The following NRBP2 variants were observed in gnomAD, a reference collection of about 807,000 sequenced individuals.
NRBP2 encodes nuclear receptor-binding protein 2.
Under a neutral mutation model 74.4 loss-of-function variants are expected in NRBP2, and 47 were observed. The ratio of observed to expected loss-of-function variants is 0.63; its 90% CI spans 0.50 to 0.81. The LOEUF (loss-of-function observed/expected upper bound fraction) is 0.81. Among genes scored for constraint, NRBP2 ranks in the 30% least tolerant of loss-of-function variants. The pLI is 0.00. For synonymous variants in NRBP2, 312 were observed against 273.8 expected (o/e 1.14, Z -1.38); for missense variants, 613 against 690.1 (o/e 0.89, Z 1.25).
At chr8:143,830,415 G>C (rs1247186653), downstream of NRBP2, among the ~76,000 whole-genome samples, 3 of 152,264 alleles carry the variant, frequency 2.0e-5, no homozygotes, top group Admixed American at 6.5e-5. Context: ...AGCTCCAGGA[G>C]AGGAGCTCTG....
downstream of NRBP2, among the ~76,000 whole-genome samples, chr8:143,832,135 C>G (rs554348249): frequency 1.3e-5 from 2 of 152,258 alleles, no homozygotes; most frequent in Admixed American, 1.3e-4. Flanking sequence ...ACCCCGTGCT[C>G]TCTGAAACAT....
chr8:143,836,080 GCTCCC>G (rs781840130), intron 15 of NRBP2, 42 bp downstream of exon 15: 1 of 1,583,456 alleles, frequency 6.3e-7, no homozygotes, highest in South Asian at 1.1e-5. Flanking sequence ...GCTCCGCCAC[GCTCCC>G]GCCTTCCCCA....
Position 143,836,122 on chromosome 8 carries a change from C to T in NRBP2, c.1317+5G>A, listed in dbSNP as rs1194067547. On this transcript the variant is annotated splice_donor_5th_base_variant and intron_variant, in intron 15 of 17. Coordinates refer to ENST00000442628, the MANE Select transcript of NRBP2 (RefSeq NM_178564.4). ...GGCAGCGCCGCCCTCCCAGGCCCCG[C>T]TCACATGCCAGCGCGCCTTGTCCTC... 3 of 1,601,976 alleles carry T rather than the reference C, an allele frequency of 1.9e-6. No individual in the cohort carries two copies. The highest frequency in any genetic ancestry group is 2.6e-6 in the Non-Finnish European group (3 of 1,176,196).
At position 143,835,677 on chromosome 8, in the gene NRBP2, A is replaced by C; in HGVS notation, c.1491T>G (p.Arg497=). 6.3e-7 allele frequency: 1 copy of C among 1,595,544 alleles called. No individual in the cohort carries two copies. The highest frequency in any genetic ancestry group is 1.1e-5 in the South Asian group (1 of 88,372). Residue 497 remains arginine, a synonymous_variant, in exon 18 of 18, where the codon CGT becomes CGG. Coordinates refer to ENST00000442628, the MANE Select transcript of NRBP2 (RefSeq NM_178564.4). This position sits in a 1 kb window ranked among gnomAD's most constrained non-coding sequence, Gnocchi z 4.9. ...GGGCTCCGGGTCAGGCCTGGGTCCCACGGTACTTGAGGAAGGTGCTCTCCA... is the reference window on the plus strand; with the variant it reads ...GGGCTCCGGGTCAGGCCTGGGTCCCCCGGTACTTGAGGAAGGTGCTCTCCA... ...AFLESTFLKY[R]GTQA
rs74755081 is a variant in NRBP2 at position 143,835,473 on chromosome 8, C to T, written c.*189G>A. 1 of 661,812 alleles carries T rather than the reference C, an allele frequency of 1.5e-6. No homozygotes were observed. The highest frequency in any genetic ancestry group is 2.8e-5 in the East Asian group (1 of 35,568). 41.0% of individuals were successfully genotyped at this position (661,812 alleles called of 1,614,324 possible). A position where few individuals can be genotyped will look rare whatever the true frequency, so the allele number is the denominator to read the frequency against. ...GGGAGGCCTAACGGCTCCCCCACAC[C>T]CACCCCCCAACCCCTCGGCGCCCAA... On this transcript the variant is annotated 3_prime_UTR_variant, in exon 18 of 18. Transcript: ENST00000442628. This position sits in a 1 kb window ranked among gnomAD's most constrained non-coding sequence, Gnocchi z 4.9.
Position 143,835,935 on chromosome 8 carries a change from C to T in NRBP2, c.1381+32G>A, listed in dbSNP as rs374849476. 130 of 1,589,248 alleles carry T rather than the reference C, an allele frequency of 8.2e-5. No homozygotes were observed. The highest frequency in any genetic ancestry group is 3.5e-4 in the African/African-American group (26 of 74,618). On this transcript the variant is annotated intron_variant, in intron 16 of 17. Transcript: ENST00000442628. This position sits in a 1 kb window ranked among gnomAD's most constrained non-coding sequence, Gnocchi z 4.9. ...CTGCCCACCCGCCGCCTGGGGTCAC[C>T]GCCCGCCGCCCAAGTCCCCTGCCCA...
chr8:143,831,219 G>C (rs782281283), downstream of NRBP2, among the ~76,000 whole-genome samples: 1 of 152,254 alleles, frequency 6.6e-6, no homozygotes, highest in Non-Finnish European at 1.5e-5. Flanking sequence ...AATGGATACA[G>C]CTGTTACCCC....
intron 10 of NRBP2, 74 bp downstream of exon 10, chr8:143,838,606 T>C (rs111489996): frequency 9.2e-7 from 1 of 1,086,074 alleles, no homozygotes; most frequent in Non-Finnish European, 1.4e-6. Flanking sequence ...TTCTCCCAGG[T>C]CTGCCTGGAG....
chr8:143,835,536 CT>C lies in NRBP2; in HGVS notation c.*125del. On this transcript the variant is annotated 3_prime_UTR_variant, in exon 18 of 18. Coordinates refer to ENST00000442628, the MANE Select transcript of NRBP2 (RefSeq NM_178564.4). The surrounding 1 kb of genome is among the most constrained non-coding windows in gnomAD (Gnocchi z 4.9). ...CCCACTCTCAGGAGACGGGGGGTTCCTTCACTACCGGGGCCTTTGTGCTCCC... is the reference window on the plus strand; with the variant it reads ...CCCACTCTCAGGAGACGGGGGGTTCCTCACTACCGGGGCCTTTGTGCTCCC... 1 of 828,894 alleles carries C rather than the reference CT, an allele frequency of 1.2e-6. No homozygotes were observed. Among genetic ancestry groups the C allele is most frequent in the Non-Finnish European group, 1.9e-6 (1 of 525,864 alleles). The allele number at this position is 828,894 out of a possible 1,614,324, so 51.3% of individuals were successfully genotyped here.
Position 143,837,952 on chromosome 8 carries a change from T to C in NRBP2, c.841-197A>G, listed in dbSNP as rs1554652417. On this transcript the variant is annotated intron_variant, in intron 10 of 17. Transcript: ENST00000442628. The surrounding 1 kb of genome is among the most constrained non-coding windows in gnomAD (Gnocchi z 4.3). Reference sequence around the variant, plus strand: ...TCCTCTGAGCTTGAGGACAGCTGGGTTCTGGGATTGGAGCACCATGCTCTG... The same window carrying C: ...TCCTCTGAGCTTGAGGACAGCTGGGCTCTGGGATTGGAGCACCATGCTCTG... The C allele has an allele frequency of 4.1e-6, 3 of 733,452 alleles. No homozygotes were observed. Among genetic ancestry groups the C allele is most frequent in the Non-Finnish European group, 7.2e-6 (3 of 414,144 alleles). The allele number at this position is 733,452 out of a possible 1,614,324, so 45.4% of individuals were successfully genotyped here.
rs192854484 is a variant in NRBP2 at position 143,833,655 on chromosome 8, T to G, written c.*2007A>C. The G allele has an allele frequency of 3.9e-5, 6 of 152,336 alleles. No homozygotes were observed. The East Asian group carries it at 1.2e-3, about 29-fold the overall frequency. 9.4% of individuals were successfully genotyped at this position (152,336 alleles called of 1,614,324 possible). ...CCTCAAAAAAAAAACTATTCTACTT[T>G]AAAAACAATACATATATAATTCTGA... On this transcript the variant is annotated 3_prime_UTR_variant, in exon 18 of 18. Transcript: ENST00000442628.
At position 143,837,986 on chromosome 8, in the gene NRBP2, G is replaced by A. The variant is rs1034976517; in HGVS notation, c.841-231C>T. 16 of 703,298 alleles carry A rather than the reference G, an allele frequency of 2.3e-5. No homozygotes were observed. The highest frequency in any genetic ancestry group is 3.5e-5 in the African/African-American group (2 of 57,126). 43.6% of individuals were successfully genotyped at this position (703,298 alleles called of 1,614,324 possible). A position where few individuals can be genotyped will look rare whatever the true frequency, so the allele number is the denominator to read the frequency against. On this transcript the variant is annotated intron_variant, in intron 10 of 17. Coordinates refer to ENST00000442628, the MANE Select transcript of NRBP2 (RefSeq NM_178564.4). This position sits in a 1 kb window ranked among gnomAD's most constrained non-coding sequence, Gnocchi z 4.3. ...TGGAGCACCATGCTCTGCTTCCCTCGACCCCCAAAAAATCGTGGGGAGAAG... is the reference window on the plus strand; with the variant it reads ...TGGAGCACCATGCTCTGCTTCCCTCAACCCCCAAAAAATCGTGGGGAGAAG...
In NRBP2 at chr8:143,838,727, C is replaced by T; in HGVS notation, c.793G>A (p.Glu265Lys). The change falls in exon 10 of 18, where the codon GAG becomes AAG. Residue 265 changes from glutamate to lysine, a missense_variant. Coordinates refer to ENST00000442628, the MANE Select transcript of NRBP2 (RefSeq NM_178564.4). ...GAGTGCCTGGCGCGAGCAATGGCCTCCTCTGTGACCCGGGTGTCCCCATTG... is the reference window on the plus strand; with the variant it reads ...GAGTGCCTGGCGCGAGCAATGGCCTTCTCTGTGACCCGGGTGTCCCCATTG... ...QTNGDTRVTE[E>K]AIARARHSLS... 6.2e-7 allele frequency: 1 copy of T among 1,613,390 alleles called. No homozygotes were observed. The highest frequency in any genetic ancestry group is 1.1e-5 in the South Asian group (1 of 90,836).
At position 143,840,558 on chromosome 8, in the gene NRBP2, C is replaced by T; in HGVS notation, c.129+148G>A. 1 of 828,274 alleles carries T rather than the reference C, an allele frequency of 1.2e-6. No homozygotes were observed. Among genetic ancestry groups the T allele is most frequent in the Non-Finnish European group, 1.8e-6 (1 of 562,556 alleles). 51.3% of individuals were successfully genotyped at this position (828,274 alleles called of 1,614,324 possible). On this transcript the variant is annotated intron_variant, in intron 1 of 17. Coordinates refer to ENST00000442628, the MANE Select transcript of NRBP2 (RefSeq NM_178564.4). The surrounding 1 kb of genome is among the most constrained non-coding windows in gnomAD (Gnocchi z 5.7). ...GGGCGAGCGCCAGGCCAAAGGGGTC[C>T]AGGGGTGGCTGATTCGCGGGCCGCG...
rs1204366216 is a variant in NRBP2 at position 143,839,962 on chromosome 8, C to T, written c.321G>A (p.Lys107=). ...VDHPNIVKLH[K]YWLDTSEACA... is the part of the protein sequence containing the mutation. The stretch of plus-strand genomic sequence containing the variant: ...AGGCCTCAGAGGTATCCAGCCAGTA[C>T]TTGTGCAACTTCACGATGTTCGGGT... Residue 107 remains lysine (K), a synonymous_variant, in exon 3 of 18, where the codon AAG becomes AAA. Transcript: ENST00000442628. The surrounding 1 kb of genome is among the most constrained non-coding windows in gnomAD (Gnocchi z 5.1). 6.5e-7 allele frequency: 1 copy of T among 1,536,206 alleles called. No individual in the cohort carries two copies. The highest frequency in any genetic ancestry group is 8.7e-7 in the Non-Finnish European group (1 of 1,146,924).
chr8:143,839,661 C>G lies in NRBP2; in HGVS notation c.444+75G>C. 1 of 1,523,670 alleles carries G rather than the reference C, an allele frequency of 6.6e-7. No individual in the cohort carries two copies. Among genetic ancestry groups the G allele is most frequent in the Non-Finnish European group, 8.8e-7 (1 of 1,139,860 alleles). The allele number at this position is 1,523,670 out of a possible 1,614,324, so 94.4% of individuals were successfully genotyped here. ...CCCCTGTCCGAGGCCGCCGGGCACC[C>G]CCTCACCATCCCAGTCCCCGAGGCT... On this transcript the variant is annotated intron_variant, in intron 4 of 17. Coordinates refer to ENST00000442628, the MANE Select transcript of NRBP2 (RefSeq NM_178564.4). This position sits in a 1 kb window ranked among gnomAD's most constrained non-coding sequence, Gnocchi z 5.1.
At chr8:143,831,622 A>G (rs1554650279), downstream of NRBP2, among the ~76,000 whole-genome samples, 1 of 152,224 alleles carries the variant, frequency 6.6e-6, no homozygotes, top group African/African-American at 2.4e-5. Flanking sequence ...CCCTGTCTCA[A>G]AAAAACAACA....
Position 143,840,804 on chromosome 8 carries a change from C to A in NRBP2, c.31G>T (p.Ala11Ser). The A allele has an allele frequency of 2.7e-6, 4 of 1,499,166 alleles. No homozygotes were observed. Among genetic ancestry groups the A allele is most frequent in the Non-Finnish European group, 3.5e-6 (4 of 1,129,984 alleles). 92.9% of individuals were successfully genotyped at this position (1,499,166 alleles called of 1,614,324 possible). The change falls in exon 1 of 18, where the codon GCC becomes TCC. Residue 11 changes from alanine (A) to serine (S), a missense_variant. Ala to Ser is a moderately conservative substitution (Grantham distance 99). Transcript: ENST00000442628. This position sits in a 1 kb window ranked among gnomAD's most constrained non-coding sequence, Gnocchi z 5.7. The stretch of plus-strand genomic sequence containing the variant: ...TCCCGCTCCCGCTCCCGTTCCCGGG[C>A]CCGCCTCGGCGCCGGCTCCGGGGCC... MAAPEPAPRR[A>S]REREREREDE...
rs1482087700 is a variant in NRBP2 at position 143,834,054 on chromosome 8, C to T, written c.*1608G>A. ...TGGTCAGCAGAATGCCACCCTTCCCCAACAAAAGAGGTTCATTCCTTAATC... is the reference window on the plus strand; with the variant it reads ...TGGTCAGCAGAATGCCACCCTTCCCTAACAAAAGAGGTTCATTCCTTAATC... On this transcript the variant is annotated 3_prime_UTR_variant, in exon 18 of 18. Transcript: ENST00000442628. 6.6e-6 allele frequency: 1 copy of T among 152,180 alleles called. No individual in the cohort carries two copies. The highest frequency in any genetic ancestry group is 1.5e-5 in the Non-Finnish European group (1 of 68,028). The allele number at this position is 152,180 out of a possible 1,614,324, so 9.4% of individuals were successfully genotyped here.
Sources: gnomAD v4.1 joint callset for allele counts (sites outside exome capture counted in the v4.1 genomes callset) on GRCh38, gnomAD v4.1.1 for gene constraint, Gnocchi (gnomAD v3.1) non-coding constraint, MANE v1.5 for transcripts, NCBI Gene and HGNC (gene_info 2026-07-23, HGNC 2026-07-21) for gene names.